Variants in ALCAM observed in about 807,000 individuals in gnomAD.
ALCAM encodes activated leukocyte cell adhesion molecule.
Under a neutral mutation model 70.9 loss-of-function variants are expected in ALCAM, and 30 were observed. That is an observed-to-expected ratio of 0.42 (90% CI 0.32 to 0.57). The LOEUF (loss-of-function observed/expected upper bound fraction) is 0.57, where lower values mean the gene tolerates loss of function less well. ALCAM is among the 20% of genes least tolerant of loss of function. The pLI is 0.11. For synonymous variants in ALCAM, 249 were observed against 242.5 expected (o/e 1.03, Z -0.25); for missense variants, 591 against 695.1 (o/e 0.85, Z 1.68).
At chr3:105,417,896 C>T (rs949873805) in intron 1 of ALCAM, among the ~76,000 whole-genome samples, 7 of 151,278 alleles carry the variant, frequency 4.6e-5, no homozygotes, top group Admixed American at 6.6e-5. Flanking sequence ...TTTTAGTGTC[C>T]CTAGAAATGG....
At chr3:105,557,745 G>A (rs1321153448) in intron 14 of ALCAM, among the ~76,000 whole-genome samples, 1 of 151,940 alleles carries the variant, frequency 6.6e-6, no homozygotes, top group Non-Finnish European at 1.5e-5. Context: ...TTACCTAATG[G>A]TTGTCGTATT....
rs1359626476 is a variant in ALCAM at position 105,390,722 on chromosome 3, T to A, written c.73+23241T>A. Among the ~76,000 whole-genome samples, 3 of 152,116 alleles carry A rather than the reference T, an allele frequency of 2.0e-5. No individual in the cohort carries two copies. In the East Asian group the frequency reaches 5.8e-4, roughly 29 times the overall value. On this transcript the variant is annotated intron_variant, in intron 1 of 15. Transcript: ENST00000306107. ...CCTAGATTTTCTTCTAGGGTTTTTG[T>A]AGTTTTGTGTTTTACATTTAATGCT...
intron 1 of ALCAM, among the ~76,000 whole-genome samples, chr3:105,387,054 T>C (rs1005373330): frequency 6.6e-6 from 1 of 151,592 alleles, no homozygotes; most frequent in Admixed American, 6.6e-5. Context: ...TACCCCACGT[T>C]ATTCTCCAAA....
intron 7 of ALCAM, among the ~76,000 whole-genome samples, chr3:105,541,367 T>C (rs1229580216): frequency 6.6e-6 from 1 of 151,914 alleles, no homozygotes; most frequent in African/African-American, 2.4e-5. Context: ...AAAATGCCCT[T>C]GAAACTTGAG....
chr3:105,565,020 ACT>A (rs1218407439), intron 14 of ALCAM, among the ~76,000 whole-genome samples: 1 of 151,820 alleles, frequency 6.6e-6, no homozygotes, highest in Non-Finnish European at 1.5e-5. Flanking sequence ...ACAGAGCAAG[ACT>A]CTGTCTGGAA....
intron 1 of ALCAM, among the ~76,000 whole-genome samples, chr3:105,486,277 G>T (rs1938425370): frequency 2.6e-5 from 4 of 152,044 alleles, no homozygotes; most frequent in Admixed American, 2.6e-4. Flanking sequence ...CTAAAGTGCA[G>T]CTTGATGTTT....
chr3:105,502,763 A>G (rs1157203185), intron 1 of ALCAM, among the ~76,000 whole-genome samples: 4 of 152,248 alleles, frequency 2.6e-5, no homozygotes, highest in East Asian at 1.9e-4. Flanking sequence ...ACTAGTAACC[A>G]AAATTAACAG....
In ALCAM at chr3:105,445,226, A is replaced by G. The variant is rs192672042; in HGVS notation, c.74-74841A>G. ...GAAAATAATCCGATTTACAATAACT[A>G]ACAAAAAAATCTTATGGATGAGTTT... On this transcript the variant is annotated intron_variant, in intron 1 of 15. Coordinates refer to ENST00000306107, the MANE Select transcript of ALCAM (RefSeq NM_001627.4). 5.3e-5 allele frequency among the ~76,000 whole-genome samples: 8 copies of G among 152,326 alleles called. No individual in the cohort carries two copies. In the East Asian group the frequency reaches 1.5e-3, roughly 29 times the overall value.
intron 1 of ALCAM, among the ~76,000 whole-genome samples, chr3:105,394,903 G>T (rs1002621202): frequency 6.6e-6 from 1 of 151,938 alleles, no homozygotes. Flanking sequence ...TAGCAGACCT[G>T]TAAGGTTTGG....
chr3:105,367,193 C>T lies in ALCAM; in HGVS notation c.-216C>T. On this transcript the variant is annotated 5_prime_UTR_variant, in exon 1 of 16. Transcript: ENST00000306107. ...CGAAGGGCCCGTGGGCTGGTGTTGA[C>T]CGGGAGGGAGGAGGAGTTGGGGGCA... is the stretch of plus-strand genomic sequence containing the variant. The T allele has an allele frequency of 1.8e-6, 1 of 559,956 alleles. No homozygotes were observed. The highest frequency in any genetic ancestry group is 3.1e-5 in the East Asian group (1 of 32,188). The allele number at this position is 559,956 out of a possible 1,614,324, so 34.7% of individuals were successfully genotyped here.
At chr3:105,546,078 T>G (rs1238391793) in intron 9 of ALCAM, among the ~76,000 whole-genome samples, 2 of 151,398 alleles carry the variant, frequency 1.3e-5, no homozygotes, top group African/African-American at 4.8e-5. Flanking sequence ...ATTGGTGATT[T>G]GAGACAAGGT....
chr3:105,552,048 C>A, intron 12 of ALCAM, 96 bp from the exon 13 acceptor site: 1 of 765,314 alleles, frequency 1.3e-6, no homozygotes. Context: ...GACATTTTAT[C>A]TTTGAGTATT....
intron 12 of ALCAM, 35 bp from the exon 13 acceptor site, chr3:105,552,109 T>G: frequency 2.0e-6 from 3 of 1,528,728 alleles, no homozygotes; most frequent in East Asian, 2.3e-5. Flanking sequence ...CAACAAATTT[T>G]GTTTTTAATT....
At chr3:105,400,546 A>T (rs1025002095) in intron 1 of ALCAM, among the ~76,000 whole-genome samples, 11 of 152,190 alleles carry the variant, frequency 7.2e-5, no homozygotes, top group African/African-American at 2.7e-4. Flanking sequence ...AATTTAGAAG[A>T]GTAATACAGT....
intron 1 of ALCAM, among the ~76,000 whole-genome samples, chr3:105,455,877 G>A (rs1480276954): frequency 6.6e-6 from 1 of 152,178 alleles, no homozygotes; most frequent in Non-Finnish European, 1.5e-5. Flanking sequence ...ATCACTTGAG[G>A]CCAGGAGTTG....
intron 14 of ALCAM, among the ~76,000 whole-genome samples, chr3:105,565,311 A>T (rs1940718958): frequency 6.6e-6 from 1 of 152,144 alleles, no homozygotes; most frequent in Non-Finnish European, 1.5e-5. Flanking sequence ...ATCCTGTCTC[A>T]ATTTTTATTG....
chr3:105,551,721 G>A lies in ALCAM; in HGVS notation c.1508-423G>A, dbSNP rs371883347. On this transcript the variant is annotated intron_variant, in intron 12 of 15. Transcript: ENST00000306107. The stretch of plus-strand genomic sequence containing the variant: ...AGAACATCTCTAGTGGTAAGTCCTT[G>A]ACACTGGAGGATGACAATGAATTCT... 4.6e-5 allele frequency among the ~76,000 whole-genome samples: 7 copies of A among 151,564 alleles called. No individual in the cohort carries two copies. In the East Asian group the frequency reaches 9.8e-4, roughly 21 times the overall value.
intron 1 of ALCAM, among the ~76,000 whole-genome samples, chr3:105,370,345 C>T (rs1935195604): frequency 6.6e-6 from 1 of 152,116 alleles, no homozygotes; most frequent in East Asian, 1.9e-4. Context: ...TAGCAATTTA[C>T]AATTTAATGG....
At chr3:105,560,718 T>G (rs971240559) in intron 14 of ALCAM, among the ~76,000 whole-genome samples, 1 of 152,060 alleles carries the variant, frequency 6.6e-6, no homozygotes, top group Non-Finnish European at 1.5e-5. Flanking sequence ...GAGATAAAGG[T>G]GGGATTTTGT....
Sources: gnomAD v4.1 joint callset for allele counts (sites outside exome capture counted in the v4.1 genomes callset) on GRCh38, gnomAD v4.1.1 for gene constraint, MANE v1.5 for transcripts, NCBI Gene and HGNC (gene_info 2026-07-23, HGNC 2026-07-21) for gene names.